The following SLIT1 variants were observed in gnomAD, a reference collection of about 807,000 sequenced individuals.
The protein encoded by SLIT1 is slit homolog 1 protein.
SLIT1 carries 66 observed loss-of-function variants against 186.1 expected under a neutral mutation model. The ratio of observed to expected loss-of-function variants is 0.35; its 90% CI spans 0.29 to 0.44. The LOEUF is 0.44. Ranked by LOEUF, SLIT1 falls within the 20% of genes least tolerant of loss-of-function variation. The probability of loss-of-function intolerance (pLI) is 1.00; values close to 1 mark genes in which losing one functional copy is unlikely to be tolerated. For missense variants in SLIT1, 1,638 were observed against 2,037.4 expected, an observed-to-expected ratio of 0.80 and a Z score of 3.77; for synonymous variants, 761 against 833.8, an observed-to-expected ratio of 0.91 and a Z score of 1.50.
In SLIT1 at chr10:97,047,979, T is replaced by A; in HGVS notation, c.1483A>T (p.Ile495Phe). ...GATCCCCCCACTCTCCTACCTGGAA[T>A]GAAGTACTGCTCTTTGGCTGGGAAG... ...FRCSAKEQYF[I>F]PGTEDYQLNS... Residue 495 changes from isoleucine (I) to phenylalanine (F), a missense_variant, in exon 15 of 37, where the codon ATT (isoleucine) becomes TTT (phenylalanine). Transcript: ENST00000266058. 6.2e-7 allele frequency: 1 copy of A among 1,614,138 alleles called. No individual in the cohort carries two copies. Among genetic ancestry groups the A allele is most frequent in the South Asian group, 1.1e-5 (1 of 91,088 alleles).
intron 4 of SLIT1, among the ~76,000 whole-genome samples, chr10:97,119,078 T>C (rs1193028469): frequency 1.3e-5 from 2 of 152,206 alleles, no homozygotes; most frequent in African/African-American, 2.4e-5. Flanking sequence ...TGGGGTCTCT[T>C]GTGTTCCCCT....
At chr10:97,059,557 G>T in intron 10 of SLIT1, 26 bp from the exon 11 acceptor site, 2 of 1,597,742 alleles carry the variant, frequency 1.3e-6, no homozygotes, top group South Asian at 1.1e-5. Flanking sequence ...AAGGAGAGGG[G>T]GCATCTGAAT....
intron 18 of SLIT1, among the ~76,000 whole-genome samples, chr10:97,044,646 T>C (rs534308146): frequency 1.3e-5 from 2 of 152,298 alleles, no homozygotes; most frequent in South Asian, 4.1e-4. Flanking sequence ...CCAGGATCTC[T>C]GAGAGTGTGA....
chr10:97,030,308 T>C (rs1384665364), intron 25 of SLIT1, among the ~76,000 whole-genome samples: 2 of 152,200 alleles, frequency 1.3e-5, no homozygotes, highest in East Asian at 3.8e-4. Flanking sequence ...TCCTGCACTG[T>C]GTGAAGTCGG....
At position 97,066,027 on chromosome 10, in the gene SLIT1, TC is replaced by T; in HGVS notation, c.472del (p.Asp158ThrfsTer29). On this transcript the variant is annotated frameshift_variant, in exon 5 of 37. Coordinates refer to ENST00000266058, the MANE Select transcript of SLIT1 (RefSeq NM_003061.3). LOFTEE classifies it high-confidence loss of function. ...GGCCTGTACTCACAAATTTTTAAGG[TC>T]CGTAGCTCCCCGAAAAGCTTTCCTG... ...IPRKAFRGAT[D>X]LKNLQLDKNQ... 1 of 1,603,782 alleles carries T rather than the reference TC, an allele frequency of 6.2e-7. No homozygotes were observed. The highest frequency in any genetic ancestry group is 8.5e-7 in the Non-Finnish European group (1 of 1,174,272).
Position 97,014,114 on chromosome 10 carries a change from T to C in SLIT1, c.3014A>G (p.Asn1005Ser). Residue 1005 changes from asparagine to serine, a missense_variant, in exon 29 of 37, where the codon AAC becomes AGC. Transcript: ENST00000266058. ...GGCATGATCCACACAGTCATCTGTG[T>C]TCACCCCACAGGTTGGTCCTTCAAA... The part of the protein sequence containing the change: ...TGFEGPTCGV[N>S]TDDCVDHACA... The C allele has an allele frequency of 6.2e-7, 1 of 1,614,012 alleles. No homozygotes were observed. The highest frequency in any genetic ancestry group is 1.1e-5 in the South Asian group (1 of 91,090).
Position 97,001,338 on chromosome 10 carries a change from C to T in SLIT1, c.4379G>A (p.Arg1460Gln), listed in dbSNP as rs545410528. Residue 1460 changes from arginine (R) to glutamine (Q), a missense_variant, in exon 37 of 37, where the codon CGG becomes CAG. Physicochemically the swap from Arg to Gln is conservative, Grantham distance 43. This residue lies in a region of SLIT1 where 220 missense variants were observed against 211.3 expected (regional missense o/e 1.04). Coordinates refer to ENST00000266058, the MANE Select transcript of SLIT1 (RefSeq NM_003061.3). ...GELCEQESECRGDPVRDFHQV... is the reference protein window; with the variant it reads ...GELCEQESECQGDPVRDFHQV... ...GTGAAAGTCCCGGACAGGGTCCCCC[C>T]GGCACTCGGACTCTGGATGGGACAG... is the stretch of plus-strand genomic sequence containing the variant. The T allele has an allele frequency of 8.7e-5, 141 of 1,612,410 alleles. 1 individual carries two copies. The highest frequency in any genetic ancestry group is 2.2e-4 in the South Asian group (20 of 91,016).
rs115813193 is a variant in SLIT1, at chr10:97,120,290, A to G, written c.413+37528T>C. ...TCCCCAGCTGCCCAAATGAGACCCAAATGGCTTTGGGGCTCTGTGAGAAAG... is the reference window on the plus strand; with the variant it reads ...TCCCCAGCTGCCCAAATGAGACCCAGATGGCTTTGGGGCTCTGTGAGAAAG... On this transcript the variant is annotated intron_variant, in intron 4 of 36. Transcript: ENST00000266058. 3.7e-3 allele frequency among the ~76,000 whole-genome samples: 558 copies of G among 152,076 alleles called. 4 individuals are homozygous for G. The highest frequency in any genetic ancestry group is 0.013 in the African/African-American group (526 of 41,496).
chr10:97,060,162 C>T lies in SLIT1; in HGVS notation c.942-4G>A, dbSNP rs200964583. 5.6e-4 allele frequency: 908 copies of T among 1,613,648 alleles called. No homozygotes were observed. Among genetic ancestry groups the T allele is most frequent in the Non-Finnish European group, 7.1e-4 (842 of 1,179,610 alleles). On this transcript the variant is annotated splice_polypyrimidine_tract_variant and splice_region_variant and intron_variant, in intron 9 of 36. Transcript: ENST00000266058. ...GATGCCGTTCAGCTCCAGGCGTCTG[C>T]GGGGAGAAAAGAGAGGGGAAGCCCA...
At chr10:97,109,833 C>T (rs966490233) in intron 4 of SLIT1, among the ~76,000 whole-genome samples, 1 of 152,176 alleles carries the variant, frequency 6.6e-6, no homozygotes, top group African/African-American at 2.4e-5. Flanking sequence ...CTGCTGGGTG[C>T]AAGCTGAGCC....
chr10:97,046,546 G>T, intron 18 of SLIT1, 108 bp downstream of exon 18: 2 of 1,167,404 alleles, frequency 1.7e-6, no homozygotes, highest in Non-Finnish European at 2.3e-6. Context: ...CCACCCTCCT[G>T]CAAGCTGGGC....
chr10:97,107,379 C>T (rs1363057969), intron 4 of SLIT1, among the ~76,000 whole-genome samples: 2 of 152,150 alleles, frequency 1.3e-5, no homozygotes, highest in Non-Finnish European at 2.9e-5. Flanking sequence ...TCATCTCTCC[C>T]GGGGTAAGGC....
intron 20 of SLIT1, among the ~76,000 whole-genome samples, chr10:97,041,852 A>G (rs1848693381): frequency 6.6e-6 from 1 of 150,406 alleles, no homozygotes; most frequent in African/African-American, 2.4e-5. Flanking sequence ...TTCTTTTGTA[A>G]AAAGAAGGAT....
chr10:97,169,354 C>T (rs1459264063), intron 1 of SLIT1, among the ~76,000 whole-genome samples: 1 of 152,234 alleles, frequency 6.6e-6, no homozygotes, highest in South Asian at 2.1e-4. Flanking sequence ...GTATCATTGC[C>T]ACTTAGGCTG....
At chr10:97,141,494 C>T (rs757690971) in intron 4 of SLIT1, among the ~76,000 whole-genome samples, 27 of 152,252 alleles carry the variant, frequency 1.8e-4, no homozygotes, top group East Asian at 7.7e-4. Context: ...CAAGCACACG[C>T]GATAAAACAG....
chr10:97,131,999 G>A (rs1476164888), intron 4 of SLIT1, among the ~76,000 whole-genome samples: 2 of 152,206 alleles, frequency 1.3e-5, no homozygotes, highest in East Asian at 3.8e-4. Context: ...GAAATATGTA[G>A]AACTGTTTTT....
chr10:97,028,202 G>A (rs1249815708), intron 25 of SLIT1, among the ~76,000 whole-genome samples: 1 of 152,102 alleles, frequency 6.6e-6, no homozygotes, highest in Non-Finnish European at 1.5e-5. Flanking sequence ...CAAGTCAGTA[G>A]GAACAATAAA....
At chr10:97,155,915 G>C (rs1324974731) in intron 4 of SLIT1, among the ~76,000 whole-genome samples, 2 of 152,244 alleles carry the variant, frequency 1.3e-5, no homozygotes, top group African/African-American at 2.4e-5. Flanking sequence ...GGCCAAGGCA[G>C]GGCAAGGCCA....
At chr10:97,016,578 A>G (rs1245138155) in intron 28 of SLIT1, among the ~76,000 whole-genome samples, 1 of 152,090 alleles carries the variant, frequency 6.6e-6, no homozygotes, top group Non-Finnish European at 1.5e-5. Context: ...AATTGTCTGT[A>G]GAGATGGGTT....
Sources: allele counts gnomAD v4.1 joint callset (sites outside exome capture counted in the v4.1 genomes callset), GRCh38; gene constraint gnomAD v4.1.1; regional missense constraint gnomAD v4.1.1; transcripts MANE v1.5; gene names NCBI Gene and HGNC (gene_info 2026-07-23, HGNC 2026-07-21).